The following NBAS variants were observed in gnomAD, a reference collection of about 807,000 sequenced individuals.
The protein encoded by NBAS is NAG/BC035112 fusion.
Under a neutral mutation model 302.5 loss-of-function variants are expected in NBAS, and 219 were observed. The observed-to-expected ratio is 0.72, with a 90% CI of 0.65 to 0.81. NBAS has a LOEUF of 0.81. Among genes scored for constraint, NBAS ranks in the 30% least tolerant of loss-of-function variants. NBAS has a pLI of 0.00. For missense variants in NBAS, 2,932 were observed against 2,841.6 expected, an observed-to-expected ratio of 1.03 and a Z score of -0.72; for synonymous variants, 1,118 against 1,021.6, an observed-to-expected ratio of 1.09 and a Z score of -1.80.
the NBAS span, among the ~76,000 whole-genome samples, chr2:14,934,901 T>A: frequency 2.0e-5 from 3 of 152,220 alleles, no homozygotes; most frequent in African/African-American, 4.8e-5. Context: ...ACAATCTATA[T>A]GATGGTATAA....
At chr2:14,895,119 C>T in the NBAS span, among the ~76,000 whole-genome samples, 1 of 151,644 alleles carries the variant, frequency 6.6e-6, no homozygotes, top group African/African-American at 2.4e-5. Context: ...ATACCAGAAG[C>T]TCACAAAACT....
intron 38 of NBAS, among the ~76,000 whole-genome samples, chr2:15,325,885 G>C (rs976981903): frequency 1.1e-4 from 16 of 152,156 alleles, no homozygotes; most frequent in Admixed American, 6.5e-5. Flanking sequence ...TTCCTTTAGA[G>C]ATATGCAACT....
At chr2:15,500,687 G>A (rs1327847065) in intron 11 of NBAS, among the ~76,000 whole-genome samples, 2 of 151,832 alleles carry the variant, frequency 1.3e-5, no homozygotes, top group East Asian at 3.9e-4. Flanking sequence ...TGTAATCCCA[G>A]CACTTTGGGA....
At chr2:15,175,442 C>T (rs993611941) in intron 51 of NBAS, among the ~76,000 whole-genome samples, 5 of 152,124 alleles carry the variant, frequency 3.3e-5, no homozygotes, top group South Asian at 2.1e-4. Flanking sequence ...CATACAAAGC[C>T]GTTATAAATA....
chr2:15,432,419 T>C (rs946612289), intron 21 of NBAS, among the ~76,000 whole-genome samples: 1 of 152,172 alleles, frequency 6.6e-6, no homozygotes, highest in Admixed American at 6.5e-5. Flanking sequence ...TGGCTTTCAT[T>C]TGATGGTAAC....
chr2:15,234,026 G>A (rs759941953), intron 46 of NBAS, among the ~76,000 whole-genome samples: 2 of 152,182 alleles, frequency 1.3e-5, no homozygotes, highest in Admixed American at 6.5e-5. Flanking sequence ...ACATATCGAC[G>A]CAAAGCAAGA....
chr2:14,848,779 G>A, the NBAS span, among the ~76,000 whole-genome samples: 2 of 151,882 alleles, frequency 1.3e-5, no homozygotes, highest in Non-Finnish European at 2.9e-5. Flanking sequence ...CCTGACCCCT[G>A]AGCAGCCTAA....
chr2:14,958,097 T>C, the NBAS span, among the ~76,000 whole-genome samples: 2 of 152,210 alleles, frequency 1.3e-5, no homozygotes, highest in Non-Finnish European at 2.9e-5. Flanking sequence ...TGTTTTAAAC[T>C]TGTCACCCAG....
chr2:15,112,761 G>GAAGATTTCATATTCAGTAAAATTA, the NBAS span, among the ~76,000 whole-genome samples: 3 of 151,932 alleles, frequency 2.0e-5, no homozygotes, highest in Admixed American at 6.6e-5. Flanking sequence ...AATATAAACC[G>GAAGATTTCATATTCAGTAAAATTA]AATTTCAAGT....
At chr2:15,331,189 G>A (rs1672327979) in intron 35 of NBAS, among the ~76,000 whole-genome samples, 2 of 152,086 alleles carry the variant, frequency 1.3e-5, no homozygotes, top group Non-Finnish European at 2.9e-5. Context: ...GACCCAGAAA[G>A]AAGTAGAACA....
At chr2:15,144,485 T>C in the NBAS span, among the ~76,000 whole-genome samples, 205 of 152,352 alleles carry the variant, frequency 1.3e-3, no homozygotes, top group African/African-American at 4.6e-3. Context: ...AAAATGTGTA[T>C]TGAGCAACTT....
At chr2:15,384,278 G>C (rs1413226292) in intron 28 of NBAS, among the ~76,000 whole-genome samples, 5 of 152,200 alleles carry the variant, frequency 3.3e-5, no homozygotes, top group Non-Finnish European at 5.9e-5. Context: ...TCACAAATTG[G>C]TTGTGTGATT....
At chr2:15,446,331 A>T (rs1678742140) in intron 21 of NBAS, among the ~76,000 whole-genome samples, 1 of 152,086 alleles carries the variant, frequency 6.6e-6, no homozygotes, top group East Asian at 1.9e-4. Flanking sequence ...TCATGCAAAG[A>T]GAAACAAAGA....
chr2:15,065,632 T>C, the NBAS span, among the ~76,000 whole-genome samples: 3 of 152,188 alleles, frequency 2.0e-5, no homozygotes, highest in African/African-American at 4.8e-5. Flanking sequence ...AACAATCTTA[T>C]TTATAGTAAC....
intron 10 of NBAS, among the ~76,000 whole-genome samples, chr2:15,510,529 G>A (rs1414970547): frequency 6.6e-6 from 1 of 152,030 alleles, no homozygotes; most frequent in Non-Finnish European, 1.5e-5. Context: ...ACAAAATAAG[G>A]AAAAAATATG....
At chr2:14,953,927 G>A in the NBAS span, among the ~76,000 whole-genome samples, 1 of 152,144 alleles carries the variant, frequency 6.6e-6, no homozygotes, top group Non-Finnish European at 1.5e-5. Flanking sequence ...GGATGGGACA[G>A]GCATGGAAGA....
At chr2:15,071,728 C>T in the NBAS span, among the ~76,000 whole-genome samples, 21 of 151,416 alleles carry the variant, frequency 1.4e-4, no homozygotes, top group African/African-American at 4.9e-4. Context: ...AAACCTCAAG[C>T]AGAAGCACGA....
intron 40 of NBAS, 117 bp from the exon 41 acceptor site, chr2:15,292,883 C>T (rs774615495): frequency 1.4e-5 from 14 of 1,021,578 alleles, no homozygotes; most frequent in Admixed American, 1.0e-4. Context: ...TACACTATTG[C>T]CATTTCATAA....
chr2:14,960,904 G>A, the NBAS span, among the ~76,000 whole-genome samples: 1 of 152,140 alleles, frequency 6.6e-6, no homozygotes, highest in East Asian at 1.9e-4. Context: ...ATATTGTTGT[G>A]TTTGAGGTAG....
Sources: allele counts gnomAD v4.1 joint callset (sites outside exome capture counted in the v4.1 genomes callset), GRCh38; gene constraint gnomAD v4.1.1; transcripts MANE v1.5; gene names NCBI Gene and HGNC (gene_info 2026-07-23, HGNC 2026-07-21).